MAP2K1: variants seen among roughly 807,000 people sequenced by gnomAD.
The protein encoded by MAP2K1 is mitogen-activated protein kinase kinase 1.
Under a neutral mutation model 46.3 loss-of-function variants are expected in MAP2K1, and 16 were observed. That is an observed-to-expected ratio of 0.35 (90% CI 0.23 to 0.52). The LOEUF (loss-of-function observed/expected upper bound fraction) is 0.52. Ranked by LOEUF, MAP2K1 falls within the 20% of genes least tolerant of loss-of-function variation. MAP2K1 has a pLI of 0.94. For synonymous variants in MAP2K1, 183 were observed against 185.6 expected, an observed-to-expected ratio of 0.99 and a Z score of 0.11; for missense variants, 263 against 497.1, an observed-to-expected ratio of 0.53 and a Z score of 4.48.
At chr15:66,429,704 C>T (rs554142408) in intron 1 of MAP2K1, among the ~76,000 whole-genome samples, 32 of 137,300 alleles carry the variant, frequency 2.3e-4, no homozygotes, top group Non-Finnish European at 4.4e-4. Flanking sequence ...GATGGGCTAG[C>T]CTGGGGTGGA....
At chr15:66,429,786 C>G (rs1168887022) in intron 1 of MAP2K1, among the ~76,000 whole-genome samples, 4 of 150,964 alleles carry the variant, frequency 2.6e-5, no homozygotes, top group Non-Finnish European at 4.4e-5. Context: ...CCTTTCCTGT[C>G]TTACTACTCC....
intron 1 of MAP2K1, among the ~76,000 whole-genome samples, chr15:66,420,107 G>C (rs1203048776): frequency 2.0e-5 from 3 of 152,030 alleles, no homozygotes; most frequent in African/African-American, 7.3e-5. Context: ...AGCTGGGCAT[G>C]GTGGTGGGCA....
chr15:66,420,801 A>G (rs780173071), intron 1 of MAP2K1, among the ~76,000 whole-genome samples: 1,757 of 58,508 alleles, frequency 0.03, 234 homozygotes, highest in African/African-American at 0.078. Flanking sequence ...GTGTATATAT[A>G]TGTGTATATA....
intron 7 of MAP2K1, 56 bp from the exon 8 acceptor site, chr15:66,487,172 A>G (rs772033196): frequency 4.0e-6 from 6 of 1,489,258 alleles, no homozygotes; most frequent in African/African-American, 2.8e-5. Context: ...CCCTTGCCTC[A>G]TATTAACAAG....
intron 5 of MAP2K1, among the ~76,000 whole-genome samples, chr15:66,461,539 ATATAGCTCAGC>A (rs2140633554): frequency 6.6e-6 from 1 of 152,138 alleles, no homozygotes; most frequent in African/African-American, 2.4e-5. Context: ...GAGTCTAGTG[ATATAGCTCAGC>A]TTGAGGATGG....
intron 1 of MAP2K1, among the ~76,000 whole-genome samples, chr15:66,420,791 G>GTATATATA (rs1567003104): frequency 8.5e-5 from 5 of 58,888 alleles, no homozygotes; most frequent in Admixed American, 2.1e-4. Flanking sequence ...ATATATATGT[G>GTATATATA]TGTATATATA....
At chr15:66,387,523 G>A in intron 1 of MAP2K1, 96 bp downstream of exon 1, 4 of 1,245,146 alleles carry the variant, frequency 3.2e-6, no homozygotes, top group East Asian at 2.6e-5. Context: ...GGTTTGTCAC[G>A]TACGTCTGGG....
At chr15:66,409,397 G>A (rs1208029124) in intron 1 of MAP2K1, among the ~76,000 whole-genome samples, 3 of 152,132 alleles carry the variant, frequency 2.0e-5, no homozygotes, top group African/African-American at 4.8e-5. Flanking sequence ...GGGAATGTTT[G>A]GGCCGGATGG....
intron 6 of MAP2K1, among the ~76,000 whole-genome samples, chr15:66,483,225 T>C (rs936808511): frequency 2.6e-5 from 4 of 152,182 alleles, no homozygotes; most frequent in African/African-American, 9.7e-5. Context: ...TCCTCATTCC[T>C]TCTTGCTGGC....
chr15:66,467,277 G>GA (rs1264403624), intron 5 of MAP2K1, among the ~76,000 whole-genome samples: 1 of 152,098 alleles, frequency 6.6e-6, no homozygotes, highest in African/African-American at 2.4e-5. Context: ...AATTATAACT[G>GA]AGACAGTGAA....
At chr15:66,474,804 T>G (rs1042747187) in intron 5 of MAP2K1, among the ~76,000 whole-genome samples, 1 of 151,876 alleles carries the variant, frequency 6.6e-6, no homozygotes, top group African/African-American at 2.4e-5. Flanking sequence ...CTGTAAGGAT[T>G]AAAGAAGATA....
chr15:66,393,182 C>CTT (rs34725770), intron 1 of MAP2K1, among the ~76,000 whole-genome samples: 14 of 144,076 alleles, frequency 9.7e-5, no homozygotes, highest in Non-Finnish European at 1.2e-4. Flanking sequence ...TTCTCTCTCT[C>CTT]TTTTTTTTTT....
intron 2 of MAP2K1, 98 bp downstream of exon 2, chr15:66,435,335 TTTTTGTGC>T: frequency 2.0e-6 from 2 of 996,162 alleles, no homozygotes; most frequent in South Asian, 2.8e-5. Flanking sequence ...ACTCAATACC[TTTTTGTGC>T]TGTTTGAATT....
intron 5 of MAP2K1, among the ~76,000 whole-genome samples, chr15:66,472,571 C>T (rs1018011536): frequency 1.3e-5 from 2 of 152,162 alleles, no homozygotes; most frequent in East Asian, 3.8e-4. Flanking sequence ...GGTCAGGGGG[C>T]TGCCCTGTAG....
intron 8 of MAP2K1, among the ~76,000 whole-genome samples, chr15:66,488,012 G>A (rs537729967): frequency 3.9e-4 from 59 of 152,146 alleles, no homozygotes; most frequent in South Asian, 1.0e-3. Flanking sequence ...TTGAGCCTCC[G>A]AGATGAAAAG....
intron 5 of MAP2K1, among the ~76,000 whole-genome samples, chr15:66,464,587 T>C (rs56330720): frequency 0.89 from 135,967 of 152,040 alleles, 61,026 homozygotes; most frequent in African/African-American, 0.97. Context: ...TGCAGTGGCG[T>C]GATCTTGGCT....
chr15:66,483,562 G>A (rs773072192), intron 6 of MAP2K1, among the ~76,000 whole-genome samples: 5 of 152,122 alleles, frequency 3.3e-5, no homozygotes, highest in South Asian at 2.1e-4. Flanking sequence ...TAATGTCTAC[G>A]TGAATATACT....
chr15:66,401,405 T>G (rs1407339352), intron 1 of MAP2K1, among the ~76,000 whole-genome samples: 2 of 152,202 alleles, frequency 1.3e-5, no homozygotes, highest in African/African-American at 4.8e-5. Context: ...GATAGTTTAA[T>G]AGGCAGTTTA....
intron 1 of MAP2K1, among the ~76,000 whole-genome samples, chr15:66,407,121 C>T (rs1002134467): frequency 2.6e-5 from 4 of 152,074 alleles, no homozygotes; most frequent in Admixed American, 6.5e-5. Flanking sequence ...CAGAGGGCTC[C>T]GTGTATTGTT....
Sources: gnomAD v4.1 joint callset for allele counts (sites outside exome capture counted in the v4.1 genomes callset) on GRCh38, gnomAD v4.1.1 for gene constraint, MANE v1.5 for transcripts, NCBI Gene and HGNC (gene_info 2026-07-23, HGNC 2026-07-21) for gene names.